EYA1: variants seen among roughly 807,000 people sequenced by gnomAD.
EYA1 encodes the protein EYA transcriptional coactivator and phosphatase 1.
Under a neutral mutation model 82.0 loss-of-function variants are expected in EYA1, and 16 were observed. That is an observed-to-expected ratio of 0.20 (90% CI 0.13 to 0.30). The LOEUF is 0.30. Among genes scored for constraint, EYA1 ranks in the 10% least tolerant of loss-of-function variants. The pLI is 1.00. For synonymous variants in EYA1, 261 were observed against 264.4 expected, an observed-to-expected ratio of 0.99 and a Z score of 0.12; for missense variants, 633 against 730.7, an observed-to-expected ratio of 0.87 and a Z score of 1.54.
At chr8:71,232,297 T>G (rs981459599) in intron 12 of EYA1, among the ~76,000 whole-genome samples, 7 of 152,192 alleles carry the variant, frequency 4.6e-5, no homozygotes, top group Non-Finnish European at 8.8e-5. Flanking sequence ...GCACTGTCAG[T>G]CCAAGCGGCC....
chr8:71,436,024 C>T (rs946372618), intron 2 of EYA1, among the ~76,000 whole-genome samples: 1 of 151,994 alleles, frequency 6.6e-6, no homozygotes, highest in Non-Finnish European at 1.5e-5. Context: ...TACATATTGT[C>T]AAGAATACTG....
In EYA1 at chr8:71,256,032, T is replaced by C. The variant is rs1347950036; in HGVS notation, c.1051-11340A>G. Among the ~76,000 whole-genome samples, 5 of 151,990 alleles carry C rather than the reference T, an allele frequency of 3.3e-5. No homozygotes were observed. In the East Asian group the frequency reaches 5.8e-4, roughly 18 times the overall value. On this transcript the variant is annotated intron_variant, in intron 11 of 17. Transcript: ENST00000340726. ...ATCTCACAGCCATTAGAATGGCTAC[T>C]ATCAGAAAACAAAAAACAGAAAATA...
intron 3 of EYA1, among the ~76,000 whole-genome samples, chr8:71,346,433 T>TATATATA (rs771458930): frequency 1.0e-4 from 13 of 128,844 alleles, no homozygotes; most frequent in African/African-American, 4.3e-4. Context: ...CTGCAGTGAA[T>TATATATA]ATATATATAT....
chr8:71,437,148 T>A (rs1806073752), intron 2 of EYA1, among the ~76,000 whole-genome samples: 1 of 150,850 alleles, frequency 6.6e-6, no homozygotes, highest in Non-Finnish European at 1.5e-5. Flanking sequence ...ATTATCTGTA[T>A]AAAAGTATAT....
At chr8:71,395,109 T>C (rs1165760091) in intron 2 of EYA1, among the ~76,000 whole-genome samples, 12 of 152,170 alleles carry the variant, frequency 7.9e-5, no homozygotes, top group Non-Finnish European at 1.2e-4. Flanking sequence ...TATTGGTGTA[T>C]AAGAATGCTT....
chr8:71,471,326 T>C (rs1287860357), intron 2 of EYA1, among the ~76,000 whole-genome samples: 1 of 152,102 alleles, frequency 6.6e-6, no homozygotes. Flanking sequence ...GAAGAGTTTG[T>C]TATAAATTCT....
intron 12 of EYA1, among the ~76,000 whole-genome samples, chr8:71,237,770 T>C (rs1306258907): frequency 6.6e-6 from 1 of 152,190 alleles, no homozygotes; most frequent in Non-Finnish European, 1.5e-5. Flanking sequence ...GGGTATACAT[T>C]TTATAATAGA....
At chr8:71,331,104 C>T (rs1051414971) in intron 4 of EYA1, among the ~76,000 whole-genome samples, 36 of 151,824 alleles carry the variant, frequency 2.4e-4, no homozygotes, top group Admixed American at 7.9e-4. Flanking sequence ...TGGCACGTGC[C>T]TGTAGTCCCA....
chr8:71,414,706 G>C (rs1020622940), intron 2 of EYA1, among the ~76,000 whole-genome samples: 1 of 152,260 alleles, frequency 6.6e-6, no homozygotes, highest in Middle Eastern at 3.4e-3. Context: ...AGTAAGCCAA[G>C]TCACATGGGA....
intron 2 of EYA1, among the ~76,000 whole-genome samples, chr8:71,509,028 C>G (rs529131310): frequency 6.6e-6 from 1 of 152,072 alleles, no homozygotes; most frequent in South Asian, 2.1e-4. Flanking sequence ...TTGAGACCAG[C>G]CTGGACAGCA....
chr8:71,215,687 T>A lies in EYA1; in HGVS notation c.1402A>T (p.Arg468Trp). ...TCGGTCAGGGCTTCAATTTCGGCCC[T>A]CAACTGCAGCCAGGCTTCCCTCTTA... The part of the protein sequence containing the change: ...PAKREAWLQL[R>W]AEIEALTDSW... The change falls in exon 15 of 18, where the codon AGG becomes TGG. Residue 468 changes from arginine to tryptophan, a missense_variant. By Grantham distance (101) the Arg-to-Trp change is moderately radical (BLOSUM62 -3). Transcript: ENST00000340726. 6.2e-7 allele frequency: 1 copy of A among 1,614,124 alleles called. No individual in the cohort carries two copies.
At chr8:71,464,983 T>C (rs1262910078) in intron 2 of EYA1, among the ~76,000 whole-genome samples, 1 of 152,186 alleles carries the variant, frequency 6.6e-6, no homozygotes, top group African/African-American at 2.4e-5. Context: ...CCACAAATAC[T>C]AATACGTCTT....
At chr8:71,546,455 C>G in intron 1 of EYA1, among the ~76,000 whole-genome samples, 1 of 151,898 alleles carries the variant, frequency 6.6e-6, no homozygotes, top group Non-Finnish European at 1.5e-5. Context: ...TATTCCTGCA[C>G]TTTGCACTCA....
intron 3 of EYA1, among the ~76,000 whole-genome samples, chr8:71,342,911 C>A (rs574945390): frequency 1.4e-4 from 22 of 152,264 alleles, no homozygotes; most frequent in African/African-American, 5.3e-4. Flanking sequence ...GTGTCATAGT[C>A]ATCACAAAAT....
chr8:71,317,112 G>C (rs570752146), intron 7 of EYA1, among the ~76,000 whole-genome samples: 1 of 152,270 alleles, frequency 6.6e-6, no homozygotes, highest in African/African-American at 2.4e-5. Flanking sequence ...CTACAGCTAT[G>C]ACTGTCACTC....
At chr8:71,279,696 A>T (rs902718122) in intron 9 of EYA1, among the ~76,000 whole-genome samples, 1 of 152,224 alleles carries the variant, frequency 6.6e-6, no homozygotes, top group Non-Finnish European at 1.5e-5. Flanking sequence ...TATAATCAAA[A>T]TTACCCAGAA....
chr8:71,476,959 A>T (rs994880972), intron 2 of EYA1, among the ~76,000 whole-genome samples: 7 of 152,140 alleles, frequency 4.6e-5, no homozygotes, highest in African/African-American at 7.2e-5. Flanking sequence ...AAAAGTGACA[A>T]GACCATTCAA....
chr8:71,300,548 A>C (rs76921147), intron 7 of EYA1, among the ~76,000 whole-genome samples: 8,735 of 152,234 alleles, frequency 0.057, 881 homozygotes, highest in African/African-American at 0.2. Context: ...CATAGGCACA[A>C]TCTTTCTGTT....
rs140123441 is a variant in EYA1 at position 71,464,172 on chromosome 8, T to C, written c.33+71572A>G. On this transcript the variant is annotated intron_variant, in intron 2 of 18. Coordinates refer to the EYA1 transcript ENST00000643681. ...TCCCCGAGGACTGCATGCTTCCACA[T>C]CTTCTATTCTCCCTCCTCTTCAAGG... Among the ~76,000 whole-genome samples the C allele has an allele frequency of 5.3e-5, 8 of 152,222 alleles. No individual in the cohort carries two copies. The East Asian group carries it at 1.5e-3, about 29-fold the overall frequency.
Sources: allele counts gnomAD v4.1 joint callset (sites outside exome capture counted in the v4.1 genomes callset), GRCh38; gene constraint gnomAD v4.1.1; transcripts MANE v1.5; gene names NCBI Gene and HGNC (gene_info 2026-07-23, HGNC 2026-07-21).